The following KLRG1 variants were observed in gnomAD, a reference collection of about 807,000 sequenced individuals.
The protein encoded by KLRG1 is killer cell lectin like receptor G1.
Under a neutral mutation model 21.8 loss-of-function variants are expected in KLRG1, and 16 were observed. That is an observed-to-expected ratio of 0.73 (90% CI 0.50 to 1.11). KLRG1 has a LOEUF of 1.11. Ranked by LOEUF, KLRG1 falls within the 50% of genes most tolerant of loss-of-function variation. The pLI, the probability that KLRG1 is intolerant of heterozygous loss-of-function variation, is 0.00. For missense variants in KLRG1, 173 were observed against 218.3 expected, an observed-to-expected ratio of 0.79 and a Z score of 1.31; for synonymous variants, 69 against 75.9, an observed-to-expected ratio of 0.91 and a Z score of 0.47.
chr12:9,005,714 A>G (rs1203589167), intron 3 of KLRG1, among the ~76,000 whole-genome samples: 2 of 152,118 alleles, frequency 1.3e-5, no homozygotes, highest in Admixed American at 6.5e-5. Flanking sequence ...GTGGAAGACA[A>G]TTTTTCCATG....
the KLRG1 span, among the ~76,000 whole-genome samples, chr12:9,100,870 G>A: frequency 2.0e-3 from 303 of 152,272 alleles, no homozygotes; most frequent in Middle Eastern, 3.4e-3. Flanking sequence ...AAAGGCATAA[G>A]AATGATACAA....
chr12:9,209,828 A>G, the KLRG1 span, among the ~76,000 whole-genome samples: 1 of 152,132 alleles, frequency 6.6e-6, no homozygotes, highest in East Asian at 1.9e-4. Flanking sequence ...TGGTATGCAC[A>G]TATTGTAAAA....
the KLRG1 span, among the ~76,000 whole-genome samples, chr12:9,122,127 A>G: frequency 6.6e-6 from 1 of 152,204 alleles, no homozygotes; most frequent in Non-Finnish European, 1.5e-5. Context: ...GCATACTGAA[A>G]TTGTAAAAAT....
the KLRG1 span, chr12:9,080,470 T>C: frequency 1.9e-5 from 4 of 212,408 alleles, no homozygotes; most frequent in African/African-American, 9.2e-5. Flanking sequence ...TGCTGTCATC[T>C]GATGGCTGAC....
chr12:8,953,218 G>A (rs1264416193), intron 1 of KLRG1, among the ~76,000 whole-genome samples: 4 of 152,204 alleles, frequency 2.6e-5, no homozygotes, highest in Non-Finnish European at 4.4e-5. Context: ...CGATGGAACA[G>A]CTCTCAGCGG....
At position 8,954,940 on chromosome 12, in the gene KLRG1, G is replaced by A. The variant is rs756426465; in HGVS notation, c.-156+4704G>A. On this transcript the variant is annotated intron_variant, in intron 1 of 4. Coordinates refer to the KLRG1 transcript ENST00000539240. ...CTTTTTTTTCTTTTTTTTTTGAGGC[G>A]GAGTCTCGATCTCTTGCCCAGGCTG... Among the ~76,000 whole-genome samples the A allele has an allele frequency of 7.3e-5, 11 of 150,744 alleles. No individual in the cohort carries two copies. The South Asian group carries it at 8.4e-4, about 11-fold the overall frequency.
chr12:9,171,239 C>T, the KLRG1 span, among the ~76,000 whole-genome samples: 7 of 152,080 alleles, frequency 4.6e-5, no homozygotes, highest in African/African-American at 1.7e-4. Context: ...GAGTGGACCC[C>T]CAGCAAACCT....
At chr12:9,117,536 A>G in the KLRG1 span, among the ~76,000 whole-genome samples, 1,245 of 152,332 alleles carry the variant, frequency 8.2e-3, 12 homozygotes, top group African/African-American at 0.028. Flanking sequence ...CTCGTCACGG[A>G]GTGAATTGTG....
chr12:8,978,709 C>G (rs1946705155), intron 1 of KLRG1, among the ~76,000 whole-genome samples: 1 of 137,306 alleles, frequency 7.3e-6, no homozygotes, highest in Non-Finnish European at 1.6e-5. Flanking sequence ...TTTTCTCTCT[C>G]TCTCTTCTTT....
chr12:9,185,058 C>A, the KLRG1 span, among the ~76,000 whole-genome samples: 1 of 152,168 alleles, frequency 6.6e-6, no homozygotes, highest in Non-Finnish European at 1.5e-5. Flanking sequence ...AGTTCTCCAG[C>A]AAGGGTTCTT....
the KLRG1 span, among the ~76,000 whole-genome samples, chr12:9,140,968 T>C: frequency 6.6e-6 from 1 of 152,220 alleles, no homozygotes; most frequent in Non-Finnish European, 1.5e-5. Context: ...ATTGCACTGA[T>C]GGAAATAACT....
chr12:9,128,872 C>G, the KLRG1 span, among the ~76,000 whole-genome samples: 1 of 152,132 alleles, frequency 6.6e-6, no homozygotes, highest in Admixed American at 6.5e-5. Flanking sequence ...ATTTCATACT[C>G]GCTGTTACAT....
chr12:9,009,128 A>G lies in KLRG1; in HGVS notation c.458+53A>G, dbSNP rs1947565380. 1.3e-5 allele frequency: 17 copies of G among 1,347,638 alleles called. No homozygotes were observed. The East Asian group carries it at 3.7e-4, about 29-fold the overall frequency. The allele number at this position is 1,347,638 out of a possible 1,614,324, so 83.5% of individuals were successfully genotyped here. On this transcript the variant is annotated intron_variant, in intron 4 of 4. Coordinates refer to ENST00000356986, the MANE Select transcript of KLRG1 (RefSeq NM_005810.4). ...AAGAGAGAGAGGAAAAAGGAAAGCCAAATTATGATACTTGGGGAATAGATA... is the reference window on the plus strand; with the variant it reads ...AAGAGAGAGAGGAAAAAGGAAAGCCGAATTATGATACTTGGGGAATAGATA...
In KLRG1 at chr12:9,009,513, G is replaced by A. The variant is rs1365953873; in HGVS notation, c.546G>A (p.Trp182Ter). 6.2e-7 allele frequency: 1 copy of A among 1,613,710 alleles called. No individual in the cohort carries two copies. The highest frequency in any genetic ancestry group is 8.5e-7 in the Non-Finnish European group (1 of 1,179,850). ...QASSCEVPLH[W>*]VCKKVRL ...CAAGCTGTGAAGTTCCTTTACACTG[G>A]GTGTGTAAGAAGGTCAGACTTTGAT... The change falls in exon 5 of 5, where the codon TGG becomes TGA. Residue 182 changes from tryptophan (W) to a stop codon, truncating the protein, a stop_gained. Coordinates refer to ENST00000356986, the MANE Select transcript of KLRG1 (RefSeq NM_005810.4). LOFTEE classifies it high-confidence loss of function.
At chr12:9,206,959 G>C in the KLRG1 span, among the ~76,000 whole-genome samples, 1 of 152,110 alleles carries the variant, frequency 6.6e-6, no homozygotes, top group African/African-American at 2.4e-5. Context: ...TATGCTTTCT[G>C]GATGGAGAGC....
chr12:9,079,532 A>C, the KLRG1 span: 1 of 1,145,610 alleles, frequency 8.7e-7, no homozygotes, highest in African/African-American at 1.5e-5. Flanking sequence ...AGCAGCTATC[A>C]TAGTGAGCTA....
chr12:9,194,744 G>A, the KLRG1 span, among the ~76,000 whole-genome samples: 3 of 152,092 alleles, frequency 2.0e-5, no homozygotes, highest in Admixed American at 6.6e-5. Context: ...GATTACAGGC[G>A]TGAGCCACCG....
chr12:9,182,167 G>A, the KLRG1 span: 1 of 1,548,038 alleles, frequency 6.5e-7, no homozygotes, highest in East Asian at 2.3e-5. Flanking sequence ...AGACAAAAAG[G>A]TCATAAAAAT....
At chr12:9,026,475 T>G in the KLRG1 span, among the ~76,000 whole-genome samples, 1 of 152,186 alleles carries the variant, frequency 6.6e-6, no homozygotes, top group Non-Finnish European at 1.5e-5. Context: ...CTCAGCTCCA[T>G]GTGTTCTCAA....
Sources: allele counts gnomAD v4.1 joint callset (sites outside exome capture counted in the v4.1 genomes callset), GRCh38; gene constraint gnomAD v4.1.1; transcripts MANE v1.5; gene names NCBI Gene and HGNC (gene_info 2026-07-23, HGNC 2026-07-21).